The following YME1L1 variants were observed in gnomAD, a reference collection of about 807,000 sequenced individuals.
YME1L1 encodes the protein YME1 like 1 ATPase.
Under a neutral mutation model 90.4 loss-of-function variants are expected in YME1L1, and 39 were observed. The ratio of observed to expected loss-of-function variants is 0.43; its 90% CI spans 0.33 to 0.56. The LOEUF (loss-of-function observed/expected upper bound fraction) is 0.56. YME1L1 is among the 20% of genes least tolerant of loss of function. YME1L1 has a pLI of 0.03. For missense variants in YME1L1, 617 were observed against 868.4 expected (o/e 0.71, Z 3.64); for synonymous variants, 284 against 287.3 (o/e 0.99, Z 0.12).
intron 1 of YME1L1, among the ~76,000 whole-genome samples, chr10:27,150,618 G>A (rs1017996844): frequency 1.3e-5 from 2 of 152,202 alleles, no homozygotes; most frequent in African/African-American, 4.8e-5. Context: ...TGCTCATTAT[G>A]TGCTAATTAT....
intron 14 of YME1L1, among the ~76,000 whole-genome samples, 199 bp downstream of exon 14, chr10:27,119,095 T>C (rs753049762): frequency 5.9e-5 from 9 of 152,254 alleles, no homozygotes; most frequent in Non-Finnish European, 8.8e-5. Context: ...TACAGTTTAA[T>C]GGCATTTGTT....
At position 27,131,889 on chromosome 10, in the gene YME1L1, C is replaced by T; in HGVS notation, c.828G>A (p.Met276Ile). The T allele has an allele frequency of 6.2e-7, 1 of 1,612,438 alleles. No homozygotes were observed. The highest frequency in any genetic ancestry group is 8.5e-7 in the Non-Finnish European group (1 of 1,179,572). ...GLDSAVDPVQMKNVTFEHVKG... is the reference protein window; with the variant it reads ...GLDSAVDPVQIKNVTFEHVKG... The stretch of plus-strand genomic sequence containing the variant: ...TAACATGTTCAAAGGTGACATTTTT[C>T]ATCTGGACAGGATCTACTGCAGAAT... The change falls in exon 8 of 19, where the codon ATG becomes ATA. Residue 276 changes from methionine (M) to isoleucine (I), a missense_variant. Transcript: ENST00000376016.
Position 27,110,168 on chromosome 10 carries a change from A to G in YME1L1, c.*1809T>C, listed in dbSNP as rs947441909. ...TATACCTCAACAAATATGTAAAAAA[A>G]TTTAAGACAGATAAGACTTTATCAA... On this transcript the variant is annotated 3_prime_UTR_variant, in exon 19 of 19. Transcript: ENST00000376016. 3 of 152,230 alleles carry G rather than the reference A, an allele frequency of 2.0e-5. No homozygotes were observed. Among genetic ancestry groups the G allele is most frequent in the African/African-American group, 7.2e-5 (3 of 41,458 alleles). 9.4% of individuals were successfully genotyped at this position (152,230 alleles called of 1,614,324 possible).
Position 27,119,374 on chromosome 10 carries a change from G to A in YME1L1, c.1487C>T (p.Ala496Val). ...GAELENLVNQ[A>V]ALKAAVDGKE... is the part of the protein sequence containing the mutation. ...TCCATCAACAGCTGCTTTTAATGCA[G>A]CCTGGTTCACAAGATTCTCCAACTC... Residue 496 changes from alanine (A) to valine (V), a missense_variant, in exon 14 of 19, where the codon GCT becomes GTT. By Grantham distance (64) the Ala-to-Val change is moderately conservative. This residue lies in a region of YME1L1 where 212 missense variants were observed against 330.0 expected (regional missense o/e 0.64). Coordinates refer to ENST00000376016, the MANE Select transcript of YME1L1 (RefSeq NM_014263.4). 1 of 1,613,676 alleles carries A rather than the reference G, an allele frequency of 6.2e-7. No homozygotes were observed. The highest frequency in any genetic ancestry group is 8.5e-7 in the Non-Finnish European group (1 of 1,179,782).
intron 1 of YME1L1, among the ~76,000 whole-genome samples, chr10:27,149,945 G>A (rs2057192843): frequency 6.6e-6 from 1 of 151,632 alleles, no homozygotes; most frequent in East Asian, 1.9e-4. Flanking sequence ...GAATGGTGTT[G>A]GGCGCCTGTA....
intron 4 of YME1L1, among the ~76,000 whole-genome samples, chr10:27,140,159 C>T (rs762827300): frequency 1.3e-5 from 2 of 152,060 alleles, no homozygotes; most frequent in Non-Finnish European, 2.9e-5. Flanking sequence ...GCCACCACAC[C>T]TGGCTAATTT....
chr10:27,122,598 TA>T (rs2056878220), intron 11 of YME1L1, among the ~76,000 whole-genome samples: 1 of 152,180 alleles, frequency 6.6e-6, no homozygotes, highest in African/African-American at 2.4e-5. Context: ...ATAAATACCA[TA>T]AATTAAATAA....
chr10:27,116,402 C>T lies in YME1L1; in HGVS notation c.1720-57G>A, dbSNP rs7901976. ...TAAGCAAAGAGGCTGGGTGCGGTGGCTCACGCCTGAATCCCAGCACTTTGG... is the reference window on the plus strand; with the variant it reads ...TAAGCAAAGAGGCTGGGTGCGGTGGTTCACGCCTGAATCCCAGCACTTTGG... On this transcript the variant is annotated intron_variant, in intron 15 of 18. Transcript: ENST00000376016. 957,366 of 1,588,174 alleles carry T rather than the reference C, an allele frequency of 0.6. 298,084 individuals are homozygous for T. Among genetic ancestry groups the T allele is most frequent in the Non-Finnish European group, 0.65 (757,699 of 1,171,434 alleles).
In YME1L1 at chr10:27,123,702, A is replaced by G. The variant is rs201400073; in HGVS notation, c.950-3T>C. On this transcript the variant is annotated splice_polypyrimidine_tract_variant and splice_region_variant and intron_variant, in intron 9 of 18. Coordinates refer to ENST00000376016, the MANE Select transcript of YME1L1 (RefSeq NM_014263.4). ...TGGGGGTCCAACTAAAAGAATTCCTAAAAGAAAATGAAAACGAGAATGATT... is the reference window on the plus strand; with the variant it reads ...TGGGGGTCCAACTAAAAGAATTCCTGAAAGAAAATGAAAACGAGAATGATT... The G allele has an allele frequency of 5.7e-4, 901 of 1,587,818 alleles. 6 individuals are homozygous for G. In the African/African-American group the frequency reaches 0.011, roughly 19 times the overall value.
chr10:27,113,271 C>T (rs2056778194), intron 18 of YME1L1, among the ~76,000 whole-genome samples: 1 of 137,678 alleles, frequency 7.3e-6, no homozygotes, highest in Non-Finnish European at 1.5e-5. Flanking sequence ...AAAGACCTGC[C>T]TTCATGAATG....
At chr10:27,141,267 G>A (rs1217056389) in intron 4 of YME1L1, among the ~76,000 whole-genome samples, 1 of 152,026 alleles carries the variant, frequency 6.6e-6, no homozygotes, top group East Asian at 1.9e-4. Flanking sequence ...CTGGTGGTGG[G>A]AACCTGTAAT....
intron 11 of YME1L1, among the ~76,000 whole-genome samples, chr10:27,121,866 G>A (rs1045910890): frequency 1.5e-4 from 23 of 151,508 alleles, no homozygotes; most frequent in African/African-American, 4.8e-4. Context: ...TTCCTGAGTA[G>A]CCAGGATTAC....
chr10:27,137,348 C>T (rs1308579552), intron 4 of YME1L1, among the ~76,000 whole-genome samples: 1 of 152,182 alleles, frequency 6.6e-6, no homozygotes, highest in African/African-American at 2.4e-5. Context: ...TACACTTTTC[C>T]AATTTATCAC....
At chr10:27,125,615 G>C (rs556477976) in intron 9 of YME1L1, among the ~76,000 whole-genome samples, 33 of 151,030 alleles carry the variant, frequency 2.2e-4, no homozygotes, top group South Asian at 1.5e-3. Flanking sequence ...ATTTGATAAT[G>C]GTTTTGTATG....
Position 27,118,687 on chromosome 10 carries a change from CA to C in YME1L1, c.1567+606del, listed in dbSNP as rs751953811. ...AACTGTCAAAACTATCATCTTAATT[CA>C]AAAGGGAAAACTTATTTCTATTTCT... On this transcript the variant is annotated intron_variant, in intron 14 of 18. Transcript: ENST00000376016. Among the ~76,000 whole-genome samples, 24 of 152,272 alleles carry C rather than the reference CA, an allele frequency of 1.6e-4. 1 individual carries two copies. Among genetic ancestry groups the C allele is most frequent in the Admixed American group, 2.0e-4 (3 of 15,300 alleles).
At chr10:27,135,371 A>G (rs1261177658) in intron 5 of YME1L1, among the ~76,000 whole-genome samples, 1 of 152,236 alleles carries the variant, frequency 6.6e-6, no homozygotes, top group Non-Finnish European at 1.5e-5. Flanking sequence ...CTGAAGATGT[A>G]AAGATAAATA....
intron 2 of YME1L1, chr10:27,145,849 G>C: frequency 4.1e-6 from 1 of 242,250 alleles, no homozygotes; most frequent in Non-Finnish European, 7.6e-6. Flanking sequence ...CAGCATGAAT[G>C]AGAAAAACTT....
At chr10:27,116,435 G>A in intron 15 of YME1L1, 90 bp from the exon 16 acceptor site, 1 of 1,426,344 alleles carries the variant, frequency 7.0e-7, no homozygotes, top group Non-Finnish European at 9.5e-7. Context: ...TGGCAGGCGA[G>A]GTGGGTGGAT....
chr10:27,130,412 C>G (rs1426833886), intron 8 of YME1L1, among the ~76,000 whole-genome samples: 1 of 152,186 alleles, frequency 6.6e-6, no homozygotes, highest in Middle Eastern at 3.2e-3. Context: ...AATATAATCT[C>G]CTATTTTTAA....
Sources: gnomAD v4.1 joint callset for allele counts (sites outside exome capture counted in the v4.1 genomes callset) on GRCh38, gnomAD v4.1.1 for gene constraint, gnomAD v4.1.1 regional missense constraint, MANE v1.5 for transcripts, NCBI Gene and HGNC (gene_info 2026-07-23, HGNC 2026-07-21) for gene names.